The following PRRX2 variants were observed in gnomAD, a reference collection of about 807,000 sequenced individuals.
The protein encoded by PRRX2 is paired related homeobox 2, also known as paired mesoderm homeobox protein 2.
Under a neutral mutation model 18.0 loss-of-function variants are expected in PRRX2, and 11 were observed. The observed-to-expected ratio is 0.61, with a 90% CI of 0.39 to 1.01. PRRX2 has a LOEUF of 1.01. PRRX2 is among the 50% of genes least tolerant of loss of function. PRRX2 has a pLI of 0.01. For synonymous variants in PRRX2, 177 were observed against 154.8 expected, an observed-to-expected ratio of 1.14 and a Z score of -1.06; for missense variants, 387 against 351.0, an observed-to-expected ratio of 1.10 and a Z score of -0.82.
At chr9:129,684,427 AACACACACACAC>A (rs72324782) in intron 1 of PRRX2, among the ~76,000 whole-genome samples, 12 of 83,010 alleles carry the variant, frequency 1.4e-4, no homozygotes, top group South Asian at 4.2e-4. Context: ...ACACAGATAC[AACACACACACAC>A]ACACACACAC....
At chr9:129,705,629 AC>A (rs1832547976) in intron 1 of PRRX2, among the ~76,000 whole-genome samples, 1 of 150,546 alleles carries the variant, frequency 6.6e-6, no homozygotes, top group Non-Finnish European at 1.5e-5. Flanking sequence ...TGCTGGGATT[AC>A]AAGCACGAGC....
intron 3 of PRRX2, among the ~76,000 whole-genome samples, 198 bp from the exon 4 acceptor site, chr9:129,722,019 C>T (rs998926905): frequency 3.3e-5 from 5 of 152,108 alleles, no homozygotes; most frequent in Non-Finnish European, 7.4e-5. Flanking sequence ...TATGGAGGCT[C>T]CTGTGTCCCA....
intron 3 of PRRX2, 31 bp downstream of exon 3, chr9:129,720,805 G>T: frequency 6.6e-7 from 1 of 1,510,184 alleles, no homozygotes; most frequent in African/African-American, 1.4e-5. Context: ...GGGCCAGGAA[G>T]GGGCAGCTCG....
rs532893339 is a variant in PRRX2 at position 129,677,649 on chromosome 9, G to T, written c.259+11523G>T. 4.6e-5 allele frequency among the ~76,000 whole-genome samples: 7 copies of T among 152,242 alleles called. No individual in the cohort carries two copies. In the East Asian group the frequency reaches 5.8e-4, roughly 13 times the overall value. ...AGGCCTTGCTGTGATGGGGAGGGGGGTGACCAGGGAGGGGCCCTTGCCTTA... is the reference window on the plus strand; with the variant it reads ...AGGCCTTGCTGTGATGGGGAGGGGGTTGACCAGGGAGGGGCCCTTGCCTTA... On this transcript the variant is annotated intron_variant, in intron 1 of 3. Transcript: ENST00000372469.
chr9:129,693,029 T>G (rs1055709410), intron 1 of PRRX2, among the ~76,000 whole-genome samples: 1 of 152,128 alleles, frequency 6.6e-6, no homozygotes, highest in Non-Finnish European at 1.5e-5. Context: ...TGGATGAGAG[T>G]TCCTGTTGCC....
intron 2 of PRRX2, among the ~76,000 whole-genome samples, chr9:129,719,904 T>C (rs1832766694): frequency 1.3e-5 from 2 of 152,120 alleles, no homozygotes; most frequent in Admixed American, 1.3e-4. Flanking sequence ...GGAGAATCGC[T>C]TGAACTCGGG....
intron 2 of PRRX2, among the ~76,000 whole-genome samples, chr9:129,719,623 C>T (rs1265635637): frequency 6.6e-6 from 1 of 152,258 alleles, no homozygotes; most frequent in Non-Finnish European, 1.5e-5. Flanking sequence ...GCTGCAGGCA[C>T]CTGCCTACCT....
intron 1 of PRRX2, among the ~76,000 whole-genome samples, chr9:129,683,670 G>A (rs1213234499): frequency 1.3e-5 from 2 of 152,236 alleles, no homozygotes; most frequent in South Asian, 2.1e-4. Context: ...GGGAGGCGGA[G>A]CTTGCAGTGA....
chr9:129,716,813 T>G (rs2130934853), intron 1 of PRRX2, among the ~76,000 whole-genome samples: 1 of 152,206 alleles, frequency 6.6e-6, no homozygotes, highest in Non-Finnish European at 1.5e-5. Context: ...TTGTTATATT[T>G]GCAAAAAGCA....
chr9:129,721,021 C>T (rs1356044749), intron 3 of PRRX2, among the ~76,000 whole-genome samples: 1 of 152,190 alleles, frequency 6.6e-6, no homozygotes, highest in Non-Finnish European at 1.5e-5. Flanking sequence ...GCACACATGA[C>T]TGTGAGTGTG....
At chr9:129,718,189 C>T (rs1021209941) in intron 1 of PRRX2, among the ~76,000 whole-genome samples, 1 of 152,118 alleles carries the variant, frequency 6.6e-6, no homozygotes, top group African/African-American at 2.4e-5. Flanking sequence ...GCACCACCCT[C>T]GGTCAGGTCC....
intron 1 of PRRX2, among the ~76,000 whole-genome samples, chr9:129,669,167 A>G (rs376368510): frequency 2.0e-5 from 2 of 98,690 alleles, no homozygotes; most frequent in Admixed American, 9.8e-5. Context: ...ACTTTTTTTA[A>G]TTTAAAAATT....
chr9:129,694,412 T>C (rs1041040882), intron 1 of PRRX2, among the ~76,000 whole-genome samples: 2 of 152,198 alleles, frequency 1.3e-5, no homozygotes, highest in African/African-American at 4.8e-5. Context: ...CTCCAACTCC[T>C]GACCTCAAGT....
chr9:129,669,245 C>T (rs899689625), intron 1 of PRRX2, among the ~76,000 whole-genome samples: 2 of 152,136 alleles, frequency 1.3e-5, no homozygotes, highest in African/African-American at 4.8e-5. Context: ...ACCAGGCTCC[C>T]TCCAGAAATG....
Position 129,716,082 on chromosome 9 carries a change from C to T in PRRX2, c.260-3149C>T, listed in dbSNP as rs115015561. On this transcript the variant is annotated intron_variant, in intron 1 of 3. Transcript: ENST00000372469. ...TGGCCAAACTGTAGGCAAAACACGT[C>T]GCCCCAAACCCGGCCGGTGGGAATG... 3.2e-3 allele frequency among the ~76,000 whole-genome samples: 485 copies of T among 152,270 alleles called. 3 individuals carry two copies. The highest frequency in any genetic ancestry group is 0.011 in the African/African-American group (457 of 41,532).
chr9:129,702,483 A>G (rs1270638177), intron 1 of PRRX2, among the ~76,000 whole-genome samples: 1 of 152,076 alleles, frequency 6.6e-6, no homozygotes, highest in Non-Finnish European at 1.5e-5. Context: ...GCCACTGGCC[A>G]TGTGTGGATA....
intron 1 of PRRX2, among the ~76,000 whole-genome samples, chr9:129,668,219 A>T (rs1399526461): frequency 6.6e-6 from 1 of 152,308 alleles, no homozygotes; most frequent in African/African-American, 2.4e-5. Context: ...CACCACTGCC[A>T]CTTGCTGTGG....
intron 1 of PRRX2, among the ~76,000 whole-genome samples, chr9:129,674,579 G>A (rs1564144769): frequency 6.6e-6 from 1 of 152,148 alleles, no homozygotes; most frequent in Non-Finnish European, 1.5e-5. Flanking sequence ...GGCCCAGGCT[G>A]TGAGGACTGG....
Position 129,689,754 on chromosome 9 carries a change from T to G in PRRX2, c.259+23628T>G, listed in dbSNP as rs1267470249. Among the ~76,000 whole-genome samples the G allele has an allele frequency of 5.3e-5, 8 of 151,504 alleles. No homozygotes were observed. The East Asian group carries it at 1.4e-3, about 26-fold the overall frequency. ...GCGGGGGCTTGGCATCTTATTTTGC[T>G]TATTTATTTATTTATTGAGACGGAG... On this transcript the variant is annotated intron_variant, in intron 1 of 3. Coordinates refer to ENST00000372469, the MANE Select transcript of PRRX2 (RefSeq NM_016307.4).
Sources: allele counts gnomAD v4.1 joint callset (sites outside exome capture counted in the v4.1 genomes callset), GRCh38; gene constraint gnomAD v4.1.1; transcripts MANE v1.5; gene names NCBI Gene and HGNC (gene_info 2026-07-23, HGNC 2026-07-21).